PAX5: variants seen among roughly 807,000 people sequenced by gnomAD.
The protein encoded by PAX5 is paired box protein Pax-5.
Under a neutral mutation model 43.7 loss-of-function variants are expected in PAX5, and 9 were observed. The observed-to-expected ratio is 0.21, with a 90% CI of 0.12 to 0.36. PAX5 has a LOEUF of 0.36. PAX5 is among the 10% of genes least tolerant of loss of function. The probability of loss-of-function intolerance (pLI) is 1.00; values close to 1 mark genes in which losing one functional copy is unlikely to be tolerated. For synonymous variants in PAX5, 228 were observed against 214.3 expected, an observed-to-expected ratio of 1.06 and a Z score of -0.56; for missense variants, 383 against 532.7, an observed-to-expected ratio of 0.72 and a Z score of 2.77.
At chr9:36,973,650 T>C (rs558051557) in intron 5 of PAX5, among the ~76,000 whole-genome samples, 10 of 152,114 alleles carry the variant, frequency 6.6e-5, no homozygotes, top group African/African-American at 2.4e-4. Flanking sequence ...GAGGATCACT[T>C]GAGGCCAGGA....
At position 36,835,897 on chromosome 9, in the gene PAX5, C is replaced by T. The variant is rs930185666; in HGVS notation, c.*4663G>A. On this transcript the variant is annotated 3_prime_UTR_variant, in exon 10 of 10. Transcript: ENST00000358127. ...CGTGGGGCAGGAGTTGGTTTCCACC[C>T]TCCCGGGAAGCTGTATCTTAGACTC... 3 of 233,462 alleles carry T rather than the reference C, an allele frequency of 1.3e-5. No homozygotes were observed. 14.5% of individuals were successfully genotyped at this position (233,462 alleles called of 1,614,324 possible). A position where few individuals can be genotyped will look rare whatever the true frequency, so the allele number is the denominator to read the frequency against.
intron 7 of PAX5, among the ~76,000 whole-genome samples, chr9:36,912,027 C>T (rs1563959320): frequency 6.6e-6 from 1 of 152,244 alleles, no homozygotes; most frequent in Non-Finnish European, 1.5e-5. Context: ...GGACTCTAAA[C>T]AAGTGGAAAA....
chr9:36,926,432 C>T (rs1433053880), intron 6 of PAX5, among the ~76,000 whole-genome samples: 1 of 152,156 alleles, frequency 6.6e-6, no homozygotes, highest in African/African-American at 2.4e-5. Context: ...TAGGTTACAG[C>T]CAGCAAAGTT....
chr9:37,023,771 T>C (rs918024777), intron 1 of PAX5, among the ~76,000 whole-genome samples: 6 of 152,018 alleles, frequency 3.9e-5, no homozygotes, highest in Non-Finnish European at 2.9e-5. Flanking sequence ...ACAAGATCAT[T>C]AAAATTTTTC....
At chr9:37,025,817 C>CTCTT (rs1034438847) in intron 1 of PAX5, among the ~76,000 whole-genome samples, 10 of 152,156 alleles carry the variant, frequency 6.6e-5, no homozygotes, top group East Asian at 1.9e-4. Flanking sequence ...AATTGGCTTC[C>CTCTT]TCTTTCTTTC....
chr9:36,923,607 A>T, intron 6 of PAX5, 123 bp from the exon 7 acceptor site: 1 of 1,123,728 alleles, frequency 8.9e-7, no homozygotes, highest in Non-Finnish European at 1.3e-6. Context: ...AAGGCCCACA[A>T]GGGGCTCATG....
intron 1 of PAX5, among the ~76,000 whole-genome samples, chr9:37,024,582 G>A (rs895489521): frequency 3.3e-5 from 5 of 152,218 alleles, no homozygotes; most frequent in African/African-American, 1.2e-4. Flanking sequence ...AGAACCGAGA[G>A]TGCTTCCAGA....
intron 5 of PAX5, among the ~76,000 whole-genome samples, chr9:36,972,896 C>T (rs1033194807): frequency 2.6e-5 from 4 of 151,580 alleles, no homozygotes; most frequent in African/African-American, 4.9e-5. Flanking sequence ...GGCGTGGTGG[C>T]GGGAGCCTGT....
chr9:36,838,949 C>T lies in PAX5; in HGVS notation c.*1611G>A. 1 of 233,374 alleles carries T rather than the reference C, an allele frequency of 4.3e-6. No homozygotes were observed. Among genetic ancestry groups the T allele is most frequent in the Non-Finnish European group, 8.5e-6 (1 of 118,118 alleles). 14.5% of individuals were successfully genotyped at this position (233,374 alleles called of 1,614,324 possible). On this transcript the variant is annotated 3_prime_UTR_variant, in exon 10 of 10. Transcript: ENST00000358127. Reference sequence around the variant, plus strand: ...AGTCTCTCTCTGCCCTGGCTCTCTGCCATCCTGGTGACATACAGATATGGG... The same window carrying T: ...AGTCTCTCTCTGCCCTGGCTCTCTGTCATCCTGGTGACATACAGATATGGG...
intron 8 of PAX5, among the ~76,000 whole-genome samples, chr9:36,869,943 G>GATGGATGGATAA (rs1825305122): frequency 7.3e-6 from 1 of 136,670 alleles, no homozygotes; most frequent in African/African-American, 3.0e-5. Flanking sequence ...TGGATAAATG[G>GATGGATGGATAA]ATGGATGGAT....
intron 8 of PAX5, among the ~76,000 whole-genome samples, chr9:36,866,169 G>A (rs763817926): frequency 7.2e-5 from 11 of 152,362 alleles, no homozygotes; most frequent in South Asian, 2.1e-4. Context: ...AAGCGCGGGC[G>A]GGCCGGGCCT....
At chr9:36,860,447 T>C (rs1824106630) in intron 8 of PAX5, among the ~76,000 whole-genome samples, 1 of 152,028 alleles carries the variant, frequency 6.6e-6, no homozygotes, top group African/African-American at 2.4e-5. Flanking sequence ...ATGGTAATAT[T>C]TGTCGAAACT....
rs576653546 is a variant in PAX5, at chr9:37,034,098, C to CTTTTTTT, written c.-74_-68dup. The CTTTTTTT allele has an allele frequency of 1.7e-3, 539 of 319,816 alleles. 5 individuals carry two copies. Among genetic ancestry groups the CTTTTTTT allele is most frequent in the Middle Eastern group, 3.7e-3 (4 of 1,092 alleles). The allele number at this position is 319,816 out of a possible 1,614,324, so 19.8% of individuals were successfully genotyped here. A position where few individuals can be genotyped will look rare whatever the true frequency, so the allele number is the denominator to read the frequency against. On this transcript the variant is annotated 5_prime_UTR_variant, in exon 1 of 10. Transcript: ENST00000358127. ...TCCACTTTTTTGTGCCTTTTTTTTT[C>CTTTTTTT]TTTTTTTTTTTTTTTTTTTTTTTTT...
chr9:37,018,815 T>C (rs1389903158), intron 2 of PAX5, among the ~76,000 whole-genome samples: 1 of 152,152 alleles, frequency 6.6e-6, no homozygotes, highest in Non-Finnish European at 1.5e-5. Context: ...GACAAATCTA[T>C]TCCGGGTGCC....
At chr9:36,973,027 C>CA (rs56983909) in intron 5 of PAX5, among the ~76,000 whole-genome samples, 13 of 127,734 alleles carry the variant, frequency 1.0e-4, no homozygotes, top group East Asian at 2.2e-4. Flanking sequence ...GATTCAGTCT[C>CA]AAAAAAAAAA....
chr9:36,997,583 G>A (rs1164559125), intron 5 of PAX5, among the ~76,000 whole-genome samples: 1 of 152,198 alleles, frequency 6.6e-6, no homozygotes. Flanking sequence ...CCTCCTCTGG[G>A]CCTTCCGGAG....
intron 8 of PAX5, among the ~76,000 whole-genome samples, chr9:36,868,594 G>C (rs917971995): frequency 3.3e-5 from 5 of 152,170 alleles, no homozygotes; most frequent in African/African-American, 1.2e-4. Context: ...GAGCTCCGTA[G>C]CATCCCAGCA....
At chr9:36,862,585 A>G (rs56354610) in intron 8 of PAX5, among the ~76,000 whole-genome samples, 1,534 of 152,196 alleles carry the variant, frequency 0.01, 26 homozygotes, top group African/African-American at 0.035. Flanking sequence ...AACAAACCAA[A>G]AAGAAGATGG....
chr9:36,900,703 C>T (rs987232030), intron 7 of PAX5, among the ~76,000 whole-genome samples: 1 of 152,168 alleles, frequency 6.6e-6, no homozygotes, highest in Non-Finnish European at 1.5e-5. Flanking sequence ...CCCTCTCCAG[C>T]TCTGCTCCTC....
Sources: allele counts gnomAD v4.1 joint callset (sites outside exome capture counted in the v4.1 genomes callset), GRCh38; gene constraint gnomAD v4.1.1; transcripts MANE v1.5; gene names NCBI Gene and HGNC (gene_info 2026-07-23, HGNC 2026-07-21).